GFOD1: variants seen among roughly 807,000 people sequenced by gnomAD.
GFOD1 encodes glucose-fructose oxidoreductase domain-containing protein 1.
In GFOD1, 9 loss-of-function variants were observed where a neutral mutation model predicts 25.4. The observed-to-expected ratio is 0.35, with a 90% CI of 0.21 to 0.62. The LOEUF (loss-of-function observed/expected upper bound fraction) is 0.62. Among genes scored for constraint, GFOD1 ranks in the 20% least tolerant of loss-of-function variants. GFOD1 has a pLI of 0.72. For missense variants in GFOD1, 403 were observed against 556.9 expected (o/e 0.72, Z 2.78); for synonymous variants, 253 against 245.6 (o/e 1.03, Z -0.28).
chr6:13,453,502 T>C (rs1758134437), intron 1 of GFOD1, among the ~76,000 whole-genome samples: 1 of 152,254 alleles, frequency 6.6e-6, no homozygotes, highest in Non-Finnish European at 1.5e-5. Flanking sequence ...TGAGCAATTA[T>C]TGAGTCATTT....
At chr6:13,385,332 T>C (rs1785447088) in intron 1 of GFOD1, among the ~76,000 whole-genome samples, 1 of 152,186 alleles carries the variant, frequency 6.6e-6, no homozygotes, top group Non-Finnish European at 1.5e-5. Context: ...AACTGCAAGA[T>C]GACATCTGTA....
chr6:13,417,879 C>A (rs548677140), intron 1 of GFOD1, among the ~76,000 whole-genome samples: 1 of 152,300 alleles, frequency 6.6e-6, no homozygotes, highest in East Asian at 1.9e-4. Flanking sequence ...AGGGTCTAAC[C>A]CACCCCTCAC....
chr6:13,456,999 T>G (rs533778843), intron 1 of GFOD1, among the ~76,000 whole-genome samples: 2 of 152,282 alleles, frequency 1.3e-5, no homozygotes, highest in South Asian at 4.1e-4. Context: ...TTCAGGTGAT[T>G]TCAGTGGCCC....
rs1388880604 is a variant in GFOD1, at chr6:13,486,783, C to T, written c.108G>A (p.Gln36=). The T allele has an allele frequency of 3.1e-6, 5 of 1,614,054 alleles. No homozygotes were observed. The highest frequency in any genetic ancestry group is 3.4e-6 in the Non-Finnish European group (4 of 1,180,022). Residue 36 remains glutamine (Q), a synonymous_variant, in exon 1 of 2, where the codon CAG becomes CAA. Coordinates refer to ENST00000379287, the MANE Select transcript of GFOD1 (RefSeq NM_018988.4). The part of the protein sequence containing the change: ...FAVKALWGRT[Q]EEAEELAKEM... Reference sequence around the variant, plus strand: ...CCTTGGCCAGCTCCTCCGCTTCTTCCTGCGTGCGGCCCCACAGCGCCTTCA... The same window carrying T: ...CCTTGGCCAGCTCCTCCGCTTCTTCTTGCGTGCGGCCCCACAGCGCCTTCA...
At chr6:13,416,138 T>C (rs942273529) in intron 1 of GFOD1, among the ~76,000 whole-genome samples, 3 of 152,176 alleles carry the variant, frequency 2.0e-5, no homozygotes, top group Admixed American at 6.5e-5. Flanking sequence ...CCCTTAATGC[T>C]CTCTCTCTCC....
Position 13,360,216 on chromosome 6 carries a change from G to A in GFOD1, c.*4527C>T, listed in dbSNP as rs1368397557. The stretch of plus-strand genomic sequence containing the variant: ...CACTCTCTGTTATGTAAAACAAAAG[G>A]ACGGCTATTGGACTGTGAAGCCCCT... On this transcript the variant is annotated 3_prime_UTR_variant, in exon 2 of 2. Transcript: ENST00000379287. 6.1e-6 allele frequency: 1 copy of A among 162,738 alleles called. No individual in the cohort carries two copies. Among genetic ancestry groups the A allele is most frequent in the Non-Finnish European group, 1.3e-5 (1 of 74,122 alleles). 10.1% of individuals were successfully genotyped at this position (162,738 alleles called of 1,614,324 possible). A position where few individuals can be genotyped will look rare whatever the true frequency, so the allele number is the denominator to read the frequency against.
At chr6:13,484,671 A>T (rs1419341367) in intron 1 of GFOD1, among the ~76,000 whole-genome samples, 2 of 152,196 alleles carry the variant, frequency 1.3e-5, no homozygotes, top group African/African-American at 4.8e-5. Flanking sequence ...AGAACAGAAG[A>T]AGTATCCAGA....
At chr6:13,412,427 C>T (rs1056930147) in intron 1 of GFOD1, among the ~76,000 whole-genome samples, 11 of 152,208 alleles carry the variant, frequency 7.2e-5, no homozygotes, top group African/African-American at 2.2e-4. Flanking sequence ...AACTTCCAGC[C>T]TCCAAAACTA....
At chr6:13,470,224 A>C (rs1242887049) in intron 1 of GFOD1, 3 of 1,594,460 alleles carry the variant, frequency 1.9e-6, no homozygotes, top group Admixed American at 3.4e-5. Flanking sequence ...GGGTCTGGGG[A>C]CTGGAAAGAA....
intron 1 of GFOD1, among the ~76,000 whole-genome samples, chr6:13,447,600 G>C (rs116799776): frequency 0.01 from 1,531 of 151,794 alleles, 20 homozygotes; most frequent in African/African-American, 0.035. Context: ...AGCTAGCCAG[G>C]CATGGTAGTG....
At chr6:13,432,726 G>T (rs941576834) in intron 1 of GFOD1, among the ~76,000 whole-genome samples, 1 of 152,090 alleles carries the variant, frequency 6.6e-6, no homozygotes, top group Non-Finnish European at 1.5e-5. Context: ...TGTGGCCTGT[G>T]CACATCCTGC....
intron 1 of GFOD1, among the ~76,000 whole-genome samples, chr6:13,427,280 T>C (rs1309957138): frequency 6.6e-6 from 1 of 152,156 alleles, no homozygotes; most frequent in East Asian, 1.9e-4. Context: ...CCAATAACTG[T>C]TATCCAAATG....
At chr6:13,444,712 G>T (rs1757975769) in intron 1 of GFOD1, among the ~76,000 whole-genome samples, 1 of 152,100 alleles carries the variant, frequency 6.6e-6, no homozygotes, top group Admixed American at 6.6e-5. Flanking sequence ...TATGTACATT[G>T]TTCTTTAGAC....
chr6:13,447,591 G>C (rs939506653), intron 1 of GFOD1, among the ~76,000 whole-genome samples: 2 of 151,234 alleles, frequency 1.3e-5, no homozygotes, highest in Non-Finnish European at 3.0e-5. Flanking sequence ...TACAAAAAAA[G>C]CTAGCCAGGC....
At chr6:13,480,370 C>T (rs181928217) in intron 1 of GFOD1, among the ~76,000 whole-genome samples, 95 of 152,312 alleles carry the variant, frequency 6.2e-4, no homozygotes, top group African/African-American at 2.2e-3. Context: ...CACGGTTCCC[C>T]TGCCAGGTTA....
intron 1 of GFOD1, among the ~76,000 whole-genome samples, chr6:13,453,029 A>G (rs1042623311): frequency 9.2e-5 from 14 of 152,242 alleles, no homozygotes; most frequent in Non-Finnish European, 1.5e-5. Flanking sequence ...GAACATTCAC[A>G]TGCCGGGAAA....
At chr6:13,433,122 T>C (rs1344729324) in intron 1 of GFOD1, among the ~76,000 whole-genome samples, 1 of 150,876 alleles carries the variant, frequency 6.6e-6, no homozygotes, top group East Asian at 1.9e-4. Context: ...GGGTCCCTTT[T>C]TTTTTTTTTT....
intron 1 of GFOD1, among the ~76,000 whole-genome samples, chr6:13,391,037 A>C (rs747074766): frequency 6.6e-6 from 1 of 152,030 alleles, no homozygotes; most frequent in Non-Finnish European, 1.5e-5. Context: ...TCTCCAATAA[A>C]CCTCTGTTGC....
At chr6:13,470,502 G>T (rs754426706) in intron 1 of GFOD1, 67 of 1,549,728 alleles carry the variant, frequency 4.3e-5, no homozygotes, top group Non-Finnish European at 5.5e-5. Context: ...GCAGCATCGT[G>T]GGGGGTAAAC....
Sources: gnomAD v4.1 joint callset for allele counts (sites outside exome capture counted in the v4.1 genomes callset) on GRCh38, gnomAD v4.1.1 for gene constraint, MANE v1.5 for transcripts, NCBI Gene and HGNC (gene_info 2026-07-23, HGNC 2026-07-21) for gene names.